DPP10: variants seen among roughly 807,000 people sequenced by gnomAD.
DPP10 encodes inactive dipeptidyl peptidase 10.
In DPP10, 33 loss-of-function variants were observed where a neutral mutation model predicts 120.9. The ratio of observed to expected loss-of-function variants is 0.27; its 90% confidence interval spans 0.21 to 0.37. The LOEUF (loss-of-function observed/expected upper bound fraction) is 0.37, where lower values mean the gene tolerates loss of function less well. Ranked by LOEUF, DPP10 falls within the 10% of genes least tolerant of loss-of-function variation. The pLI is 1.00. For synonymous variants in DPP10, 337 were observed against 326.1 expected (o/e 1.03, Z -0.36); for missense variants, 816 against 942.8 (o/e 0.87, Z 1.76).
At chr2:115,386,002 G>T (rs1039420183) in intron 3 of DPP10, among the ~76,000 whole-genome samples, 9 of 152,246 alleles carry the variant, frequency 5.9e-5, no homozygotes, top group Non-Finnish European at 8.8e-5. Context: ...ATATAGGAAA[G>T]GCTGAATATT....
At chr2:115,342,624 A>T (rs191000278) in intron 2 of DPP10, among the ~76,000 whole-genome samples, 1 of 152,152 alleles carries the variant, frequency 6.6e-6, no homozygotes, top group East Asian at 1.9e-4. Context: ...TTTTTTAATG[A>T]AACTAGAAAA....
chr2:115,636,516 A>C (rs1203222763), intron 5 of DPP10, among the ~76,000 whole-genome samples: 1 of 152,094 alleles, frequency 6.6e-6, no homozygotes, highest in Non-Finnish European at 1.5e-5. Flanking sequence ...TCTCCTTTGG[A>C]TCATTCAACA....
intron 2 of DPP10, among the ~76,000 whole-genome samples, chr2:115,332,998 G>A (rs907300730): frequency 6.6e-6 from 1 of 152,060 alleles, no homozygotes; most frequent in Non-Finnish European, 1.5e-5. Context: ...CTGTCTCGTT[G>A]ATCTGCCTAA....
At chr2:114,883,289 A>G (rs1691795850) in intron 1 of DPP10, among the ~76,000 whole-genome samples, 1 of 152,210 alleles carries the variant, frequency 6.6e-6, no homozygotes, top group South Asian at 2.1e-4. Context: ...TGTTTCTTAT[A>G]GTCTGTAGTC....
chr2:115,665,141 C>T (rs1225063191), intron 5 of DPP10, among the ~76,000 whole-genome samples: 2 of 152,170 alleles, frequency 1.3e-5, no homozygotes, highest in African/African-American at 2.4e-5. Flanking sequence ...CATTCCCATA[C>T]TGAATGTGTT....
At chr2:115,453,532 AT>A (rs2073290970) in intron 3 of DPP10, among the ~76,000 whole-genome samples, 1 of 151,644 alleles carries the variant, frequency 6.6e-6, no homozygotes, top group African/African-American at 2.4e-5. Context: ...GTATTTGGAA[AT>A]TTATGAATAT....
At chr2:114,532,296 T>TACAC (rs56653562) in intron 1 of DPP10, among the ~76,000 whole-genome samples, 1,390 of 74,204 alleles carry the variant, frequency 0.019, 29 homozygotes, top group African/African-American at 0.023. Flanking sequence ...TATATATATA[T>TACAC]ACACACACAC....
chr2:115,288,820 A>G (rs906452560), intron 1 of DPP10, among the ~76,000 whole-genome samples: 1 of 152,128 alleles, frequency 6.6e-6, no homozygotes, highest in Non-Finnish European at 1.5e-5. Context: ...ACATATGACA[A>G]AGGCACAGCC....
At chr2:115,263,104 G>T (rs1337489380) in intron 1 of DPP10, among the ~76,000 whole-genome samples, 1 of 152,114 alleles carries the variant, frequency 6.6e-6, no homozygotes, top group Non-Finnish European at 1.5e-5. Flanking sequence ...TCTAGGTGTA[G>T]TTTTTTTATT....
intron 4 of DPP10, among the ~76,000 whole-genome samples, chr2:115,505,449 C>G (rs1351572265): frequency 1.3e-5 from 2 of 151,886 alleles, no homozygotes; most frequent in Non-Finnish European, 2.9e-5. Flanking sequence ...CTTATTTAGT[C>G]TCTTTGGAGC....
intron 2 of DPP10, among the ~76,000 whole-genome samples, chr2:115,311,035 C>T (rs1034198041): frequency 2.6e-5 from 4 of 152,174 alleles, no homozygotes; most frequent in African/African-American, 4.8e-5. Flanking sequence ...CTAAGTTAAA[C>T]TTCTGCTCAA....
chr2:115,365,216 C>CTGA (rs2065010093), intron 3 of DPP10, among the ~76,000 whole-genome samples: 1 of 152,038 alleles, frequency 6.6e-6, no homozygotes, highest in African/African-American at 2.4e-5. Flanking sequence ...ATCCAGTAGG[C>CTGA]TGATGGAGGT....
intron 3 of DPP10, among the ~76,000 whole-genome samples, chr2:115,477,270 T>C (rs917376229): frequency 6.6e-6 from 1 of 152,064 alleles, no homozygotes; most frequent in African/African-American, 2.4e-5. Context: ...TTTAAAGATT[T>C]CCAAAAAGTT....
At chr2:115,432,004 G>T (rs1283052809) in intron 3 of DPP10, among the ~76,000 whole-genome samples, 1 of 152,066 alleles carries the variant, frequency 6.6e-6, no homozygotes, top group Non-Finnish European at 1.5e-5. Flanking sequence ...ATACTGTATA[G>T]TGATAAAAAT....
chr2:114,717,279 G>A (rs901473088), intron 1 of DPP10, among the ~76,000 whole-genome samples: 1 of 152,158 alleles, frequency 6.6e-6, no homozygotes, highest in South Asian at 2.1e-4. Flanking sequence ...GTAGGTCTGC[G>A]AATTCTCAGA....
intron 1 of DPP10, among the ~76,000 whole-genome samples, chr2:114,844,282 A>G (rs1688378168): frequency 6.6e-6 from 1 of 152,052 alleles, no homozygotes; most frequent in Non-Finnish European, 1.5e-5. Flanking sequence ...CTAATGCCCA[A>G]ATAATAGTTT....
chr2:115,014,283 T>C (rs1306317606), intron 1 of DPP10, among the ~76,000 whole-genome samples: 1 of 152,124 alleles, frequency 6.6e-6, no homozygotes, highest in East Asian at 1.9e-4. Context: ...ATAAGTAAGT[T>C]CTTTGAAACC....
At chr2:115,062,052 G>A (rs1201401287) in intron 1 of DPP10, among the ~76,000 whole-genome samples, 2 of 146,938 alleles carry the variant, frequency 1.4e-5, no homozygotes, top group Non-Finnish European at 3.0e-5. Context: ...TTTTAATTTT[G>A]AAATAATATA....
intron 1 of DPP10, among the ~76,000 whole-genome samples, chr2:114,573,007 A>T (rs1347739670): frequency 6.6e-6 from 1 of 152,200 alleles, no homozygotes; most frequent in East Asian, 1.9e-4. Context: ...TTCTGAGACA[A>T]GGTCTTGCTG....
Sources: allele counts gnomAD v4.1 joint callset (sites outside exome capture counted in the v4.1 genomes callset), GRCh38; gene constraint gnomAD v4.1.1; transcripts MANE v1.5; gene names NCBI Gene and HGNC (gene_info 2026-07-23, HGNC 2026-07-21).